NOL10: variants seen among roughly 807,000 people sequenced by gnomAD.
NOL10 encodes the protein nucleolar protein 10.
Under a neutral mutation model 103.5 loss-of-function variants are expected in NOL10, and 58 were observed. The ratio of observed to expected loss-of-function variants is 0.56; its 90% CI spans 0.45 to 0.70. NOL10 has a LOEUF of 0.70. NOL10 is among the 30% of genes least tolerant of loss of function. The probability of loss-of-function intolerance (pLI) is 0.00; values close to 1 mark genes in which losing one functional copy is unlikely to be tolerated. For missense variants in NOL10, 763 were observed against 807.3 expected (o/e 0.95, Z 0.67); for synonymous variants, 287 against 282.5 (o/e 1.02, Z -0.16).
rs182058165 is a variant in NOL10 at position 10,601,164 on chromosome 2, T to C, written c.1333-222A>G. 5.4e-3 allele frequency among the ~76,000 whole-genome samples: 816 copies of C among 151,822 alleles called. 4 individuals are homozygous for C. The highest frequency in any genetic ancestry group is 8.4e-3 in the Non-Finnish European group (570 of 67,900). ...CTGCAACCTCCGCCTCCCGGGTTCA[T>C]GCCATTCTCCTGTCTCAGCCTCCCG... On this transcript the variant is annotated intron_variant, in intron 16 of 20. Transcript: ENST00000381685.
chr2:10,663,366 C>A (rs1457566597), intron 8 of NOL10, among the ~76,000 whole-genome samples: 428 of 125,138 alleles, frequency 3.4e-3, no homozygotes, highest in African/African-American at 3.5e-3. Flanking sequence ...GACTTCGTCT[C>A]AAAAAAAAAA....
intron 17 of NOL10, 119 bp from the exon 18 acceptor site, chr2:10,589,870 T>C (rs1164074520): frequency 7.1e-6 from 4 of 560,308 alleles, no homozygotes; most frequent in Non-Finnish European, 1.1e-5. Flanking sequence ...AGGCATACAT[T>C]ATTAACTCAT....
In NOL10 at chr2:10,638,483, C is replaced by CTTTTTTTT. The variant is rs869294782; in HGVS notation, c.1026+5829_1026+5836dup. On this transcript the variant is annotated intron_variant, in intron 13 of 20. Coordinates refer to ENST00000381685, the MANE Select transcript of NOL10 (RefSeq NM_024894.4). The stretch of plus-strand genomic sequence containing the variant: ...GCACATACCCTTATAGCTGAATTCC[C>CTTTTTTTT]TTTTTTTTTTTTTTTTTTTTTTTTT... 1.2e-3 allele frequency among the ~76,000 whole-genome samples: 92 copies of CTTTTTTTT among 77,776 alleles called. 17 individuals carry two copies. Among genetic ancestry groups the CTTTTTTTT allele is most frequent in the East Asian group, 4.6e-3 (10 of 2,184 alleles). The allele number at this position is 77,776 out of a possible 152,430, so 51.0% of individuals were successfully genotyped here.
intron 13 of NOL10, among the ~76,000 whole-genome samples, chr2:10,638,482 C>CTTT (rs1378036555): frequency 5.3e-5 from 5 of 93,676 alleles, no homozygotes; most frequent in Non-Finnish European, 6.3e-5. Context: ...AGCTGAATTC[C>CTTT]CTTTTTTTTT....
chr2:10,577,910 T>C (rs904870471), intron 19 of NOL10, among the ~76,000 whole-genome samples, 172 bp from the exon 20 acceptor site: 1 of 152,218 alleles, frequency 6.6e-6, no homozygotes, highest in Non-Finnish European at 1.5e-5. Flanking sequence ...CAAATAGTCA[T>C]TATTCATATT....
At chr2:10,654,768 A>G (rs766358972) in intron 11 of NOL10, among the ~76,000 whole-genome samples, 21 of 152,212 alleles carry the variant, frequency 1.4e-4, no homozygotes, top group Non-Finnish European at 2.8e-4. Context: ...AAGGAGAAGA[A>G]GTGACCTGTC....
intron 17 of NOL10, among the ~76,000 whole-genome samples, chr2:10,596,779 A>G (rs896860886): frequency 6.6e-6 from 1 of 152,186 alleles, no homozygotes; most frequent in African/African-American, 2.4e-5. Context: ...CATTCATCAG[A>G]GACTTTAAGG....
chr2:10,623,549 T>C (rs1277042464), intron 13 of NOL10, among the ~76,000 whole-genome samples: 2 of 152,260 alleles, frequency 1.3e-5, no homozygotes, highest in Non-Finnish European at 2.9e-5. Flanking sequence ...TATCTGTTCC[T>C]TTACTAGACT....
chr2:10,607,090 G>C, intron 14 of NOL10, 95 bp downstream of exon 14: 1 of 740,242 alleles, frequency 1.4e-6, no homozygotes, highest in Non-Finnish European at 2.0e-6. Flanking sequence ...TAGGAGATGA[G>C]GTAAACATGG....
In NOL10 at chr2:10,609,431, C is replaced by CAAA. The variant is rs60104799; in HGVS notation, c.1027-2123_1027-2121dup. On this transcript the variant is annotated intron_variant, in intron 13 of 20. Transcript: ENST00000381685. ...TGAAACCCTGTCTGTACTAAAAATA[C>CAAA]AAAAAAAAAAAAAAAAAAAAAAATC... is the stretch of plus-strand genomic sequence containing the variant. 3.1e-3 allele frequency among the ~76,000 whole-genome samples: 348 copies of CAAA among 111,530 alleles called. 7 individuals carry two copies. The highest frequency in any genetic ancestry group is 0.011 in the African/African-American group (294 of 26,840). The allele number at this position is 111,530 out of a possible 152,430, so 73.2% of individuals were successfully genotyped here. A position where few individuals can be genotyped will look rare whatever the true frequency, so the allele number is the denominator to read the frequency against.
Position 10,571,433 on chromosome 2 carries a change from AG to A in NOL10, c.*637del, listed in dbSNP as rs1234502099. ...ACTTATAAATTACCCAGTTTCAGGT[AG>A]TTCTTTATAGCAGTGCAAGAACAGA... On this transcript the variant is annotated 3_prime_UTR_variant, in exon 21 of 21. Transcript: ENST00000381685. 6.6e-6 allele frequency: 1 copy of A among 152,454 alleles called. No homozygotes were observed. The highest frequency in any genetic ancestry group is 2.4e-5 in the African/African-American group (1 of 41,470). The allele number at this position is 152,454 out of a possible 1,614,324, so 9.4% of individuals were successfully genotyped here.
At position 10,658,698 on chromosome 2, in the gene NOL10, T is replaced by G. The variant is rs550763713; in HGVS notation, c.756+474A>C. On this transcript the variant is annotated intron_variant, in intron 10 of 20. Transcript: ENST00000381685. ...GAAACCCACTGTCAATCTTCAAGAG[T>G]AAAAGTCTGGCAGACTCCCAAGACT... 3.9e-5 allele frequency among the ~76,000 whole-genome samples: 6 copies of G among 152,188 alleles called. No homozygotes were observed. The South Asian group carries it at 1.2e-3, about 32-fold the overall frequency.
intron 14 of NOL10, among the ~76,000 whole-genome samples, chr2:10,605,718 G>A (rs1266915747): frequency 6.6e-6 from 1 of 152,126 alleles, no homozygotes; most frequent in Non-Finnish European, 1.5e-5. Context: ...AAGAATGTAG[G>A]TGAGTGTGAC....
intron 1 of NOL10, among the ~76,000 whole-genome samples, chr2:10,686,183 G>GA (rs1274704680): frequency 2.0e-5 from 3 of 152,158 alleles, no homozygotes; most frequent in East Asian, 1.9e-4. Flanking sequence ...GTATGCCATG[G>GA]AAAAAATAAA....
At position 10,651,401 on chromosome 2, in the gene NOL10, T is replaced by G. The variant is rs563140058; in HGVS notation, c.973+3080A>C. On this transcript the variant is annotated intron_variant, in intron 12 of 20. Coordinates refer to ENST00000381685, the MANE Select transcript of NOL10 (RefSeq NM_024894.4). ...TGAACCACATATGTGATTTTAAAAT[T>G]TTTAGTAGCCACATTTTTAAAAATG... Among the ~76,000 whole-genome samples, 13 of 152,316 alleles carry G rather than the reference T, an allele frequency of 8.5e-5. No homozygotes were observed. The East Asian group carries it at 2.3e-3, about 27-fold the overall frequency.
chr2:10,678,849 C>T (rs1681513489), intron 3 of NOL10, among the ~76,000 whole-genome samples: 1 of 152,174 alleles, frequency 6.6e-6, no homozygotes, highest in Non-Finnish European at 1.5e-5. Context: ...CAAACCAGGA[C>T]TCTGGACTCT....
chr2:10,578,409 C>T (rs1016692421), intron 19 of NOL10, among the ~76,000 whole-genome samples: 1 of 152,198 alleles, frequency 6.6e-6, no homozygotes, highest in African/African-American at 2.4e-5. Flanking sequence ...CTCCAGGTAC[C>T]TTTCCTTTTA....
rs894272067 is a variant in NOL10 at position 10,615,842 on chromosome 2, A to G, written c.1027-8531T>C. Among the ~76,000 whole-genome samples, 15 of 152,276 alleles carry G rather than the reference A, an allele frequency of 9.9e-5. No individual in the cohort carries two copies. In the South Asian group the frequency reaches 3.1e-3, roughly 32 times the overall value. ...GAACACCCAAATCCCCACCATGCCT[A>G]AAGAGACCAGAAGATAATTCTCTGG... On this transcript the variant is annotated intron_variant, in intron 13 of 20. Coordinates refer to ENST00000381685, the MANE Select transcript of NOL10 (RefSeq NM_024894.4).
intron 6 of NOL10, among the ~76,000 whole-genome samples, chr2:10,670,165 T>C (rs1680835784): frequency 6.6e-6 from 1 of 152,148 alleles, no homozygotes; most frequent in Non-Finnish European, 1.5e-5. Context: ...TCTCCAAATT[T>C]AGCACCATAC....
Sources: allele counts gnomAD v4.1 joint callset (sites outside exome capture counted in the v4.1 genomes callset), GRCh38; gene constraint gnomAD v4.1.1; transcripts MANE v1.5; gene names NCBI Gene and HGNC (gene_info 2026-07-23, HGNC 2026-07-21).